Variants in SCAI observed in about 807,000 individuals in gnomAD.
SCAI encodes the protein suppressor of cancer cell invasion.
In SCAI, 24 loss-of-function variants were observed where a neutral mutation model predicts 92.2. That is an observed-to-expected ratio of 0.26 (90% confidence interval 0.19 to 0.37). The LOEUF is 0.37. Among genes scored for constraint, SCAI ranks in the 10% least tolerant of loss-of-function variants. SCAI has a pLI of 1.00. For missense variants in SCAI, 450 were observed against 736.2 expected (o/e 0.61, Z 4.50); for synonymous variants, 261 against 258.6 (o/e 1.01, Z -0.09).
intron 2 of SCAI, among the ~76,000 whole-genome samples, chr9:125,131,612 G>A (rs2131265714): frequency 6.6e-6 from 1 of 151,966 alleles, no homozygotes; most frequent in East Asian, 1.9e-4. Context: ...TCATTCTTGA[G>A]TAAAATATTA....
chr9:125,056,057 A>T, intron 2 of SCAI, 50 bp from the exon 3 acceptor site: 13 of 1,421,474 alleles, frequency 9.1e-6, no homozygotes, highest in African/African-American at 8.6e-5. Flanking sequence ...ATAAAAATAG[A>T]AAAAAACCTT....
At chr9:125,115,510 A>G (rs1406763797) in intron 2 of SCAI, among the ~76,000 whole-genome samples, 1 of 152,168 alleles carries the variant, frequency 6.6e-6, no homozygotes, top group African/African-American at 2.4e-5. Context: ...ATAGTCATGT[A>G]ACTGAATACC....
chr9:125,121,216 G>C (rs989211777), intron 2 of SCAI, among the ~76,000 whole-genome samples: 1 of 150,340 alleles, frequency 6.7e-6, no homozygotes, highest in African/African-American at 2.5e-5. Context: ...CGTGAACAAG[G>C]TAAAGAAAAA....
At position 124,956,338 on chromosome 9, in the gene SCAI, C is replaced by CCA. The variant is rs1186105144; in HGVS notation, c.1675-3387_1675-3386dup. The stretch of plus-strand genomic sequence containing the variant: ...GGTTCAAGAGATTTTCCTGCCTCAG[C>CCA]CACCCTAGTAGCTGGGATTACAGGC... On this transcript the variant is annotated intron_variant, in intron 17 of 17. Coordinates refer to ENST00000336505, the MANE Select transcript of SCAI (RefSeq NM_001144877.3). Among the ~76,000 whole-genome samples the CCA allele has an allele frequency of 4.6e-5, 7 of 152,238 alleles. No homozygotes were observed. In the East Asian group the frequency reaches 9.6e-4, roughly 21 times the overall value.
At chr9:125,093,517 A>C (rs1651556184) in intron 2 of SCAI, among the ~76,000 whole-genome samples, 2 of 151,156 alleles carry the variant, frequency 1.3e-5, no homozygotes, top group Admixed American at 1.3e-4. Flanking sequence ...CATAGGTGAC[A>C]GTGTGAATTT....
At chr9:125,095,370 A>T (rs1259705810) in intron 2 of SCAI, among the ~76,000 whole-genome samples, 1 of 152,222 alleles carries the variant, frequency 6.6e-6, no homozygotes, top group Non-Finnish European at 1.5e-5. Flanking sequence ...TGTGTCTCAA[A>T]TTCTGCTTTC....
In SCAI at chr9:124,965,551, A is replaced by G. The variant is rs145088124; in HGVS notation, c.1674+5819T>C. 2.9e-3 allele frequency among the ~76,000 whole-genome samples: 439 copies of G among 152,346 alleles called. 2 individuals carry two copies. The highest frequency in any genetic ancestry group is 6.8e-3 in the Middle Eastern group (2 of 294). Reference sequence around the variant, plus strand: ...TGCCCGGCCTGTAAGTATGTCTTATAGCAACCTTGCACCTACATAAACGCT... The same window carrying G: ...TGCCCGGCCTGTAAGTATGTCTTATGGCAACCTTGCACCTACATAAACGCT... On this transcript the variant is annotated intron_variant, in intron 17 of 17. Coordinates refer to ENST00000336505, the MANE Select transcript of SCAI (RefSeq NM_001144877.3).
At chr9:125,084,929 C>G (rs918896350) in intron 2 of SCAI, among the ~76,000 whole-genome samples, 2 of 152,160 alleles carry the variant, frequency 1.3e-5, no homozygotes, top group African/African-American at 4.8e-5. Flanking sequence ...AGACCCAAGT[C>G]CAGGTCCCAA....
At chr9:125,014,977 A>C in intron 9 of SCAI, among the ~76,000 whole-genome samples, 1 of 152,328 alleles carries the variant, frequency 6.6e-6, no homozygotes, top group East Asian at 1.9e-4. Flanking sequence ...CTGGCTAGCC[A>C]TATGTAGAAA....
At chr9:125,127,284 C>G (rs1157919871) in intron 2 of SCAI, among the ~76,000 whole-genome samples, 2 of 152,164 alleles carry the variant, frequency 1.3e-5, no homozygotes, top group African/African-American at 2.4e-5. Context: ...TCTCCTGGTA[C>G]CTCAAAAGCC....
chr9:125,066,649 G>T (rs1369395621), intron 2 of SCAI, among the ~76,000 whole-genome samples: 1 of 151,944 alleles, frequency 6.6e-6, no homozygotes, highest in Non-Finnish European at 1.5e-5. Context: ...TAGATACGGG[G>T]TTTCACTGTT....
chr9:125,086,832 T>C (rs943630498), intron 2 of SCAI, among the ~76,000 whole-genome samples: 1 of 152,238 alleles, frequency 6.6e-6, no homozygotes, highest in African/African-American at 2.4e-5. Flanking sequence ...GACCTCTTTG[T>C]GCTTCAACTT....
chr9:125,068,528 C>CA (rs1199818837), intron 2 of SCAI, among the ~76,000 whole-genome samples: 1 of 151,872 alleles, frequency 6.6e-6, no homozygotes, highest in African/African-American at 2.4e-5. Flanking sequence ...AAAAATACAA[C>CA]AAAAAACAAA....
At chr9:125,127,512 G>A (rs1038023986) in intron 2 of SCAI, among the ~76,000 whole-genome samples, 6 of 151,564 alleles carry the variant, frequency 4.0e-5, no homozygotes, top group Admixed American at 2.6e-4. Context: ...TTACAGGTAC[G>A]AGCCACCACA....
At chr9:125,115,476 C>A (rs1404922716) in intron 2 of SCAI, among the ~76,000 whole-genome samples, 1 of 151,588 alleles carries the variant, frequency 6.6e-6, no homozygotes, top group African/African-American at 2.4e-5. Context: ...AAACCAACTG[C>A]CCACAGATAG....
chr9:124,982,275 T>C (rs1472637118), intron 14 of SCAI, among the ~76,000 whole-genome samples: 4 of 152,190 alleles, frequency 2.6e-5, no homozygotes, highest in Non-Finnish European at 5.9e-5. Context: ...AAAGACATGA[T>C]CAAAGCCATA....
intron 3 of SCAI, among the ~76,000 whole-genome samples, chr9:125,049,788 C>T (rs530434201): frequency 1.3e-5 from 2 of 152,202 alleles, no homozygotes; most frequent in Non-Finnish European, 1.5e-5. Flanking sequence ...AGACATGATA[C>T]AAAAATCTGA....
intron 9 of SCAI, among the ~76,000 whole-genome samples, chr9:125,016,035 C>T (rs1375046490): frequency 1.1e-3 from 78 of 71,144 alleles, no homozygotes; most frequent in African/African-American, 4.0e-3. Flanking sequence ...TGTTGTGGGG[C>T]GGGGGGAGGG....
chr9:125,051,316 C>CG (rs1833556299), intron 3 of SCAI, among the ~76,000 whole-genome samples: 1 of 152,164 alleles, frequency 6.6e-6, no homozygotes, highest in Admixed American at 6.5e-5. Flanking sequence ...AGCTACCATG[C>CG]CCAGCCAATT....
Sources: gnomAD v4.1 joint callset for allele counts (sites outside exome capture counted in the v4.1 genomes callset) on GRCh38, gnomAD v4.1.1 for gene constraint, MANE v1.5 for transcripts, NCBI Gene and HGNC (gene_info 2026-07-23, HGNC 2026-07-21) for gene names.